NHSL1: variants seen among roughly 807,000 people sequenced by gnomAD.
The protein encoded by NHSL1 is NHS-like protein 1.
Under a neutral mutation model 95.0 loss-of-function variants are expected in NHSL1, and 48 were observed. The observed-to-expected ratio is 0.51, with a 90% CI of 0.40 to 0.64. NHSL1 has a LOEUF of 0.64. NHSL1 is among the 30% of genes least tolerant of loss of function. NHSL1 has a pLI of 0.00. For missense variants in NHSL1, 1,971 were observed against 2,077.7 expected (o/e 0.95, Z 1.00); for synonymous variants, 783 against 833.9 (o/e 0.94, Z 1.05).
chr6:138,430,495 G>A lies in NHSL1; in HGVS notation c.3850C>T (p.Gln1284Ter). The A allele has an allele frequency of 6.4e-7, 1 of 1,551,330 alleles. No individual in the cohort carries two copies. The highest frequency in any genetic ancestry group is 8.7e-7 in the Non-Finnish European group (1 of 1,146,776). Residue 1284 changes from glutamine to a stop codon, truncating the protein, a stop_gained, in exon 6 of 8, where the codon CAG (glutamine) becomes TAG (stop). Coordinates refer to ENST00000343505, the MANE Select transcript of NHSL1 (RefSeq NM_001144060.2). LOFTEE classifies it high-confidence loss of function. This position sits in a 1 kb window ranked among gnomAD's most constrained non-coding sequence, Gnocchi z 4.7. Reference sequence around the variant, plus strand: ...TTGGGGGCTGGTGAGACATCAGGCTGAACCATGGGGACATTGGCTTCCACT... The same window carrying A: ...TTGGGGGCTGGTGAGACATCAGGCTAAACCATGGGGACATTGGCTTCCACT... ...SRVEANVPMV[Q>*]PDVSPAPKQE...
chr6:138,444,609 T>C (rs1333931494), intron 4 of NHSL1, among the ~76,000 whole-genome samples: 2 of 151,448 alleles, frequency 1.3e-5, no homozygotes, highest in Non-Finnish European at 2.9e-5. Context: ...TGAGCCTTAC[T>C]AGGAAAATCA....
At position 138,543,109 on chromosome 6, in the gene NHSL1, TGCTATTAATCATATTATTC is replaced by T. The variant is rs1459552246; in HGVS notation, c.16+2495_16+2513del. On this transcript the variant is annotated intron_variant, in intron 1 of 4. Transcript: ENST00000342260. ...TCTGTGAATGGTACACATGGTAGTT[TGCTATTAATCATATTATTC>T]GCTATTAATCATATTATTTGATTAG... 3.3e-5 allele frequency among the ~76,000 whole-genome samples: 5 copies of T among 152,336 alleles called. No homozygotes were observed. In the East Asian group the frequency reaches 5.8e-4, roughly 18 times the overall value.
Position 138,505,632 on chromosome 6 carries a change from G to A in NHSL1, c.17-9261C>T, listed in dbSNP as rs140426565. On this transcript the variant is annotated intron_variant, in intron 1 of 4. Transcript: ENST00000342260. ...ATTGCGCCACTGCACCAGCCTGGGCGACAGAGCTAGACTCCATTTCAAAAA... is the reference window on the plus strand; with the variant it reads ...ATTGCGCCACTGCACCAGCCTGGGCAACAGAGCTAGACTCCATTTCAAAAA... Among the ~76,000 whole-genome samples the A allele has an allele frequency of 7.9e-5, 10 of 127,142 alleles. No homozygotes were observed. In the South Asian group the frequency reaches 1.8e-3, roughly 23 times the overall value. 83.4% of individuals were successfully genotyped at this position (127,142 alleles called of 152,430 possible).
intron 1 of NHSL1, among the ~76,000 whole-genome samples, chr6:138,578,446 T>A (rs966671636): frequency 6.6e-6 from 1 of 152,182 alleles, no homozygotes; most frequent in African/African-American, 2.4e-5. Flanking sequence ...ATGCAACATC[T>A]GTACCAACTT....
In NHSL1 at chr6:138,545,622, C is replaced by T. The variant is rs1490072813; in HGVS notation, c.16+1G>A. On this transcript the variant is annotated splice_donor_variant, in intron 1 of 4. Coordinates refer to the NHSL1 transcript ENST00000342260. LOFTEE classifies it high-confidence loss of function. Reference sequence around the variant, plus strand: ...CCCAAATGGACACGAAGTCCCCTCACCTTTCAGACAGAACATTCTGCAGCA... The same window carrying T: ...CCCAAATGGACACGAAGTCCCCTCATCTTTCAGACAGAACATTCTGCAGCA... 1 of 1,289,362 alleles carries T rather than the reference C, an allele frequency of 7.8e-7. No homozygotes were observed. Among genetic ancestry groups the T allele is most frequent in the Admixed American group, 2.3e-5 (1 of 43,572 alleles). 79.9% of individuals were successfully genotyped at this position (1,289,362 alleles called of 1,614,324 possible).
intron 3 of NHSL1, chr6:138,464,462 A>G (rs1778215638): frequency 7.7e-6 from 2 of 260,884 alleles, no homozygotes; most frequent in Non-Finnish European, 1.5e-5. Context: ...CCGCTGGAGA[A>G]CAGCTGCAGT....
chr6:138,593,737 G>A (rs1166556283), intron 1 of NHSL1, among the ~76,000 whole-genome samples: 2 of 152,114 alleles, frequency 1.3e-5, no homozygotes, highest in African/African-American at 2.4e-5. Context: ...TCTTCCTTTC[G>A]GGTCAAAGAT....
At chr6:138,645,493 T>C (rs1044085115) in intron 1 of NHSL1, among the ~76,000 whole-genome samples, 5 of 151,932 alleles carry the variant, frequency 3.3e-5, no homozygotes, top group African/African-American at 1.2e-4. Context: ...TTTGTTATTG[T>C]AGTGTTTTTC....
At chr6:138,429,465 G>C (rs1168251419) in intron 7 of NHSL1, among the ~76,000 whole-genome samples, 1 of 152,082 alleles carries the variant, frequency 6.6e-6, no homozygotes, top group African/African-American at 2.4e-5. Context: ...GAAGAGCAGC[G>C]CCTACCAGAA....
At chr6:138,620,642 C>T (rs1320849441) in intron 1 of NHSL1, among the ~76,000 whole-genome samples, 2 of 152,056 alleles carry the variant, frequency 1.3e-5, no homozygotes, top group African/African-American at 4.8e-5. Flanking sequence ...CTGTATATAA[C>T]AATCCAAAAG....
At chr6:138,580,691 A>G (rs1412546572) in intron 1 of NHSL1, among the ~76,000 whole-genome samples, 1 of 152,212 alleles carries the variant, frequency 6.6e-6, no homozygotes, top group African/African-American at 2.4e-5. Context: ...GGCCAACACA[A>G]TCGTTTGGCA....
At chr6:138,452,379 GCT>G (rs1382924837) in intron 3 of NHSL1, among the ~76,000 whole-genome samples, 1 of 152,184 alleles carries the variant, frequency 6.6e-6, no homozygotes, top group Non-Finnish European at 1.5e-5. Context: ...TACGAAATAT[GCT>G]CTCTTTCTCA....
chr6:138,566,006 A>G (rs1783601404), intron 1 of NHSL1, among the ~76,000 whole-genome samples: 1 of 151,838 alleles, frequency 6.6e-6, no homozygotes, highest in Non-Finnish European at 1.5e-5. Context: ...TAGTTAAACC[A>G]AAACACCCTG....
At chr6:138,548,791 G>A (rs1295272362), upstream of NHSL1, among the ~76,000 whole-genome samples, 1 of 152,196 alleles carries the variant, frequency 6.6e-6, no homozygotes, top group Non-Finnish European at 1.5e-5. Context: ...TTTAGTGCAA[G>A]AGATGAGTGG....
chr6:138,534,930 G>A (rs1442282655), intron 1 of NHSL1, among the ~76,000 whole-genome samples: 2 of 152,182 alleles, frequency 1.3e-5, no homozygotes, highest in Non-Finnish European at 2.9e-5. Flanking sequence ...TGATGCAGCT[G>A]CAAGTTCTGT....
exon 1 of NHSL1, chr6:138,572,010 C>T (rs1249122549): frequency 1.2e-5 from 11 of 915,424 alleles, no homozygotes; most frequent in African/African-American, 1.7e-5. Flanking sequence ...CTGCTGTTTC[C>T]CTCTTAGACA....
intron 5 of NHSL1, among the ~76,000 whole-genome samples, chr6:138,435,735 TTTG>T (rs1400446937): frequency 1.3e-5 from 2 of 151,966 alleles, no homozygotes; most frequent in African/African-American, 2.4e-5. Flanking sequence ...TTTTTTTGTT[TTTG>T]TTTTTTTTTT....
intron 3 of NHSL1, among the ~76,000 whole-genome samples, chr6:138,468,737 T>C (rs954975749): frequency 6.6e-6 from 1 of 152,318 alleles, no homozygotes; most frequent in South Asian, 2.1e-4. Flanking sequence ...AGGTGTGTAG[T>C]AGGCTGTACC....
At position 138,564,615 on chromosome 6, in the gene NHSL1, T is replaced by A. The variant is rs75435440; in HGVS notation, c.202+7095A>T. Among the ~76,000 whole-genome samples, 511 of 151,732 alleles carry A rather than the reference T, an allele frequency of 3.4e-3. 4 individuals carry two copies. The highest frequency in any genetic ancestry group is 0.012 in the African/African-American group (503 of 41,208). ...GTCCCAGATGTGTTAAGTTTACCCA[T>A]TCAGCAACCATTTATTGAGCACTTA... On this transcript the variant is annotated intron_variant, in intron 1 of 6. Transcript: ENST00000427025.
Sources: allele counts gnomAD v4.1 joint callset (sites outside exome capture counted in the v4.1 genomes callset), GRCh38; gene constraint gnomAD v4.1.1; non-coding constraint Gnocchi (gnomAD v3.1); transcripts MANE v1.5; gene names NCBI Gene and HGNC (gene_info 2026-07-23, HGNC 2026-07-21).